Variants in GPATCH2L observed in about 807,000 individuals in gnomAD.
GPATCH2L encodes G patch domain-containing protein 2-like.
GPATCH2L carries 31 observed loss-of-function variants against 57.4 expected under a neutral mutation model. That is an observed-to-expected ratio of 0.54 (90% confidence interval 0.41 to 0.73). The LOEUF (loss-of-function observed/expected upper bound fraction) is 0.73, where lower values mean the gene tolerates loss of function less well. GPATCH2L is among the 30% of genes least tolerant of loss of function. GPATCH2L has a pLI of 0.00. For synonymous variants in GPATCH2L, 199 were observed against 210.7 expected (o/e 0.94, Z 0.48); for missense variants, 481 against 599.9 (o/e 0.80, Z 2.07).
chr14:76,232,239 G>T (rs2040575459), intron 2 of GPATCH2L, among the ~76,000 whole-genome samples: 1 of 152,126 alleles, frequency 6.6e-6, no homozygotes, highest in Non-Finnish European at 1.5e-5. Flanking sequence ...TTTTATAAGT[G>T]CTATATTTAA....
chr14:76,173,475 G>A, intron 4 of GPATCH2L, 71 bp from the exon 5 acceptor site: 1 of 915,286 alleles, frequency 1.1e-6, no homozygotes, highest in Non-Finnish European at 1.7e-6. Flanking sequence ...AAAGCCTTCA[G>A]TGTACTAGAA....
rs1157656960 is a variant in GPATCH2L, at chr14:76,213,641, T to A, written c.*11790T>A. On this transcript the variant is annotated 3_prime_UTR_variant, in exon 10 of 10. Coordinates refer to ENST00000261530, the MANE Select transcript of GPATCH2L (RefSeq NM_017926.4). ...TTCCCTCTGGTGTTCCATGTTAGCCTGACACAGAGCCCCCTCTTCACATTC... is the reference window on the plus strand; with the variant it reads ...TTCCCTCTGGTGTTCCATGTTAGCCAGACACAGAGCCCCCTCTTCACATTC... The A allele has an allele frequency of 6.6e-6, 1 of 152,174 alleles. No individual in the cohort carries two copies. Among genetic ancestry groups the A allele is most frequent in the African/African-American group, 2.4e-5 (1 of 41,436 alleles). 9.4% of individuals were successfully genotyped at this position (152,174 alleles called of 1,614,324 possible).
chr14:76,228,600 T>C (rs749528826), intron 1 of GPATCH2L, among the ~76,000 whole-genome samples: 1 of 152,212 alleles, frequency 6.6e-6, no homozygotes, highest in Admixed American at 6.5e-5. Context: ...GATCTGAAAC[T>C]GCTTAGGAAG....
chr14:76,214,528 A>G (rs1018557365), downstream of GPATCH2L, among the ~76,000 whole-genome samples: 6 of 152,184 alleles, frequency 3.9e-5, no homozygotes, highest in East Asian at 1.9e-4. Context: ...GGCTGATTCA[A>G]TGTCTGGTGA....
At chr14:76,182,585 C>CAA (rs66602777) in intron 8 of GPATCH2L, among the ~76,000 whole-genome samples, 42 of 84,742 alleles carry the variant, frequency 5.0e-4, no homozygotes, top group African/African-American at 1.3e-3. Context: ...GACCCTGTCT[C>CAA]AAAAAAAAAA....
chr14:76,181,254 T>C (rs4389088), intron 8 of GPATCH2L, among the ~76,000 whole-genome samples: 117,014 of 152,082 alleles, frequency 0.77, 45,977 homozygotes, highest in South Asian at 0.88. Context: ...TACTAGGGAG[T>C]TCTGTTTTGT....
rs1386222711 is a variant in GPATCH2L, at chr14:76,154,446, T to C, written c.83T>C (p.Met28Thr). Residue 28 changes from methionine (M) to threonine (T), a missense_variant, in exon 2 of 10, where the codon ATG (methionine) becomes ACG (threonine). This residue lies in a region of GPATCH2L where 208 missense variants were observed against 272.4 expected (regional missense o/e 0.76). Coordinates refer to ENST00000261530, the MANE Select transcript of GPATCH2L (RefSeq NM_017926.4). This position sits in a 1 kb window ranked among gnomAD's most constrained non-coding sequence, Gnocchi z 4.4. ...QNKLGELWEE[M>T]ALSPRQQRRQ... ...AAGCTTGGTGAACTGTGGGAGGAGA[T>C]GGCGCTGAGCCCCCGACAGCAGAGG... 1 of 1,614,148 alleles carries C rather than the reference T, an allele frequency of 6.2e-7. No homozygotes were observed. Among genetic ancestry groups the C allele is most frequent in the Non-Finnish European group, 8.5e-7 (1 of 1,180,034 alleles).
intron 8 of GPATCH2L, among the ~76,000 whole-genome samples, chr14:76,188,247 C>T (rs1198680056): frequency 1.3e-5 from 2 of 152,208 alleles, no homozygotes; most frequent in South Asian, 2.1e-4. Context: ...AGTGAGATTG[C>T]TGGATCATAT....
At chr14:76,226,308 T>C (rs1437227554) in intron 1 of GPATCH2L, among the ~76,000 whole-genome samples, 2 of 152,204 alleles carry the variant, frequency 1.3e-5, no homozygotes, top group Non-Finnish European at 2.9e-5. Context: ...GCAACACGTA[T>C]GAATCTCAGA....
In GPATCH2L at chr14:76,178,053, CTCTT is replaced by C. The variant is rs1384950134; in HGVS notation, c.1107+16_1107+19del. On this transcript the variant is annotated intron_variant, in intron 7 of 9. Coordinates refer to ENST00000261530, the MANE Select transcript of GPATCH2L (RefSeq NM_017926.4). ...GCTTGTGCACATGAGGTAAGGTTTC[CTCTT>C]TCTTGTTATTTTGATTTTCTTGGAG... 1.9e-6 allele frequency: 3 copies of C among 1,588,890 alleles called. No individual in the cohort carries two copies. The highest frequency in any genetic ancestry group is 2.2e-5 in the South Asian group (2 of 90,496).
chr14:76,199,519 G>A (rs544375288), intron 9 of GPATCH2L, among the ~76,000 whole-genome samples: 1 of 152,216 alleles, frequency 6.6e-6, no homozygotes, highest in South Asian at 2.1e-4. Context: ...ATAATTAAAT[G>A]TTCTTGATGA....
At chr14:76,155,865 A>G (rs1309880600) in intron 2 of GPATCH2L, among the ~76,000 whole-genome samples, 1 of 152,152 alleles carries the variant, frequency 6.6e-6, no homozygotes, top group Non-Finnish European at 1.5e-5. Flanking sequence ...TCTCTGCATT[A>G]TTCACACCCC....
At chr14:76,224,231 G>T (rs1293238226) in intron 1 of GPATCH2L, among the ~76,000 whole-genome samples, 1 of 152,168 alleles carries the variant, frequency 6.6e-6, no homozygotes, top group Admixed American at 6.5e-5. Flanking sequence ...GCTGCCAATG[G>T]GAAAAGGGGA....
Position 76,184,678 on chromosome 14 carries a change from A to G in GPATCH2L, c.1193+3829A>G, listed in dbSNP as rs185812534. Among the ~76,000 whole-genome samples the G allele has an allele frequency of 2.8e-3, 422 of 152,332 alleles. 6 individuals carry two copies. The South Asian group carries it at 0.037, about 13-fold the overall frequency. On this transcript the variant is annotated intron_variant, in intron 8 of 9. Transcript: ENST00000261530. Reference sequence around the variant, plus strand: ...GGAGGGAGAGTTTTGTGGTCTTTGTACCATCTAATAGATTTGTGGATTTCA... The same window carrying G: ...GGAGGGAGAGTTTTGTGGTCTTTGTGCCATCTAATAGATTTGTGGATTTCA...
chr14:76,220,517 C>T, intron 1 of GPATCH2L, among the ~76,000 whole-genome samples: 1 of 151,980 alleles, frequency 6.6e-6, no homozygotes, highest in East Asian at 1.9e-4. Context: ...AAATTACAGA[C>T]CTAGAAGTAC....
intron 7 of GPATCH2L, 195 bp downstream of exon 7, chr14:76,178,237 G>A: frequency 6.6e-7 from 1 of 1,505,544 alleles, no homozygotes; most frequent in Non-Finnish European, 8.9e-7. Flanking sequence ...AAAGCAGAAT[G>A]AATCTGATTT....
At position 76,228,178 on chromosome 14, in the gene GPATCH2L, C is replaced by T. The variant is rs562199289; in HGVS notation, c.66-1630C>T. 2.0e-4 allele frequency among the ~76,000 whole-genome samples: 30 copies of T among 152,310 alleles called. 1 individual carries two copies. The South Asian group carries it at 5.8e-3, about 29-fold the overall frequency. On this transcript the variant is annotated intron_variant and NMD_transcript_variant, in intron 1 of 3. Transcript: ENST00000556372. ...TCTGGATATTATTGTTTCGCATCGC[C>T]ATTTAAAAGATAATAAAGTGGTATT...
intron 2 of GPATCH2L, among the ~76,000 whole-genome samples, chr14:76,159,102 G>T (rs984003705): frequency 6.6e-6 from 1 of 152,162 alleles, no homozygotes; most frequent in Non-Finnish European, 1.5e-5. Flanking sequence ...AGATCAGGTG[G>T]GGGGATTCAA....
chr14:76,184,760 G>C (rs1425647156), intron 8 of GPATCH2L, among the ~76,000 whole-genome samples: 2 of 152,118 alleles, frequency 1.3e-5, no homozygotes, highest in Non-Finnish European at 1.5e-5. Context: ...CTGCAAGTTG[G>C]AATCACCTAA....
Sources: allele counts gnomAD v4.1 joint callset (sites outside exome capture counted in the v4.1 genomes callset), GRCh38; gene constraint gnomAD v4.1.1; regional missense constraint gnomAD v4.1.1; non-coding constraint Gnocchi (gnomAD v3.1); transcripts MANE v1.5; gene names NCBI Gene and HGNC (gene_info 2026-07-23, HGNC 2026-07-21).